KCNH3: variants seen among roughly 807,000 people sequenced by gnomAD.
The protein encoded by KCNH3 is voltage-gated inwardly rectifying potassium channel KCNH3.
In KCNH3, 36 loss-of-function variants were observed where a neutral mutation model predicts 95.6. The observed-to-expected ratio is 0.38, with a 90% CI of 0.29 to 0.50. The LOEUF is 0.50. KCNH3 is among the 20% of genes least tolerant of loss of function. The pLI is 0.95. For synonymous variants in KCNH3, 620 were observed against 646.3 expected (o/e 0.96, Z 0.62); for missense variants, 1,030 against 1,484.1 (o/e 0.69, Z 5.03).
chr12:49,544,144 C>CAAACAA, intron 6 of KCNH3, 31 bp from the exon 7 acceptor site: 1 of 1,493,174 alleles, frequency 6.7e-7, no homozygotes, highest in Non-Finnish European at 9.2e-7. Context: ...GCTGACCTCC[C>CAAACAA]TCCCTCCCTC....
chr12:49,548,885 C>A lies in KCNH3; in HGVS notation c.1190-10C>A, dbSNP rs760459990. 455 of 1,555,632 alleles carry A rather than the reference C, an allele frequency of 2.9e-4. No homozygotes were observed. The highest frequency in any genetic ancestry group is 2.8e-4 in the Non-Finnish European group (328 of 1,151,078). ...TCCTGCCTGCTCAGGCCCTGCTGTT[C>A]CCCCCTCAGGCTGGCTGCAGGAGCT... On this transcript the variant is annotated splice_polypyrimidine_tract_variant and intron_variant, in intron 7 of 14. Coordinates refer to ENST00000257981, the MANE Select transcript of KCNH3 (RefSeq NM_012284.3).
At chr12:49,544,708 C>T (rs1388474327) in intron 7 of KCNH3, among the ~76,000 whole-genome samples, 1 of 152,078 alleles carries the variant, frequency 6.6e-6, no homozygotes, top group African/African-American at 2.4e-5. Flanking sequence ...TTCTCTGACA[C>T]CCGGCACTCC....
chr12:49,552,935 A>G (rs536184339), intron 10 of KCNH3, among the ~76,000 whole-genome samples: 3 of 152,336 alleles, frequency 2.0e-5, no homozygotes, highest in African/African-American at 7.2e-5. Flanking sequence ...GGTGCATTCT[A>G]TACTTAAGTT....
chr12:49,541,350 G>C (rs1937865090), intron 2 of KCNH3, among the ~76,000 whole-genome samples: 1 of 152,136 alleles, frequency 6.6e-6, no homozygotes, highest in African/African-American at 2.4e-5. Context: ...CCTGCATTCA[G>C]TTCCAACCTC....
chr12:49,542,634 C>T (rs1443753326), intron 3 of KCNH3, 72 bp from the exon 4 acceptor site: 2 of 1,492,356 alleles, frequency 1.3e-6, no homozygotes, highest in Non-Finnish European at 1.8e-6. Flanking sequence ...GCAACTGTGT[C>T]CTACACCTGA....
In KCNH3 at chr12:49,549,716, G is replaced by A. The variant is rs116944984; in HGVS notation, c.1668+76G>A. 4.8e-4 allele frequency: 671 copies of A among 1,398,624 alleles called. 4 individuals carry two copies. Among genetic ancestry groups the A allele is most frequent in the East Asian group, 3.2e-3 (130 of 40,168 alleles). The allele number at this position is 1,398,624 out of a possible 1,614,324, so 86.6% of individuals were successfully genotyped here. On this transcript the variant is annotated intron_variant, in intron 9 of 14. Transcript: ENST00000257981. ...GCAATAGCCTAGAATTATCAGGAGT[G>A]GGGGAGGATGAATGCAGAATTTTGG...
rs199727288 is a variant in KCNH3, at chr12:49,541,804, C to T, written c.445+40C>T. The T allele has an allele frequency of 1.3e-4, 208 of 1,609,308 alleles. No homozygotes were observed. In the African/African-American group the frequency reaches 2.4e-3, roughly 18 times the overall value. ...GTGCTGTGGTCGGGGTATTGGGTGC[C>T]GCAGGCCCGGGCGGGGCCTTGGCAC... On this transcript the variant is annotated intron_variant, in intron 3 of 14. Coordinates refer to ENST00000257981, the MANE Select transcript of KCNH3 (RefSeq NM_012284.3).
Position 49,544,267 on chromosome 12 carries a change from G to A in KCNH3, c.1074G>A (p.Val358=). 3 of 1,609,162 alleles carry A rather than the reference G, an allele frequency of 1.9e-6. No homozygotes were observed. Among genetic ancestry groups the A allele is most frequent in the Non-Finnish European group, 2.5e-6 (3 of 1,178,944 alleles). Residue 358 remains valine, a synonymous_variant, in exon 7 of 15, where the codon GTG becomes GTA. Coordinates refer to ENST00000257981, the MANE Select transcript of KCNH3 (RefSeq NM_012284.3). ...RLDRYSQYSA[V]VLTLLMAVFA... ...ACCGGTACTCGCAGTACAGCGCCGT[G>A]GTGCTGACACTGCTCATGGCCGTGT... is the stretch of plus-strand genomic sequence containing the variant.
At chr12:49,545,011 G>C (rs554337723) in intron 7 of KCNH3, among the ~76,000 whole-genome samples, 1 of 152,026 alleles carries the variant, frequency 6.6e-6, no homozygotes, top group East Asian at 1.9e-4. Flanking sequence ...CACCCAAAAT[G>C]TCACCTGGAA....
At position 49,558,221 on chromosome 12, in the gene KCNH3, G is replaced by A. The variant is rs1350187138; in HGVS notation, c.*268G>A. ...GGCAGAGGCCTGAGGACAAGGAAGA[G>A]CTTTGCCATCCCCTGCATGTGCCCC... On this transcript the variant is annotated 3_prime_UTR_variant, in exon 15 of 15. Coordinates refer to ENST00000257981, the MANE Select transcript of KCNH3 (RefSeq NM_012284.3). 3 of 399,714 alleles carry A rather than the reference G, an allele frequency of 7.5e-6. No individual in the cohort carries two copies. The highest frequency in any genetic ancestry group is 8.8e-6 in the Non-Finnish European group (2 of 228,116). 24.8% of individuals were successfully genotyped at this position (399,714 alleles called of 1,614,324 possible).
At chr12:49,548,453 G>A (rs1938143481) in intron 7 of KCNH3, among the ~76,000 whole-genome samples, 1 of 152,150 alleles carries the variant, frequency 6.6e-6, no homozygotes. Context: ...GGGAGGGGAG[G>A]GAGGGCCTTC....
chr12:49,542,804 C>G lies in KCNH3; in HGVS notation c.544C>G (p.Gln182Glu). 6.2e-7 allele frequency: 1 copy of G among 1,603,752 alleles called. No homozygotes were observed. The highest frequency in any genetic ancestry group is 1.7e-5 in the Admixed American group (1 of 58,018). ...GCTCTACCACCTGTCCGGGCACCTGCAGAAGCAGCCCAAGGGCAAGCACAA... is the reference window on the plus strand; with the variant it reads ...GCTCTACCACCTGTCCGGGCACCTGGAGAAGCAGCCCAAGGGCAAGCACAA... ...AVLYHLSGHLQKQPKGKHKLN... is the reference protein window; with the variant it reads ...AVLYHLSGHLEKQPKGKHKLN... The change falls in exon 4 of 15, where the codon CAG (glutamine) becomes GAG (glutamate). Residue 182 changes from glutamine to glutamate, a missense_variant. Around this residue, in one of 9 missense-constraint regions of KCNH3, gnomAD observed 92 missense variants for 92.7 expected, o/e 0.99. Coordinates refer to ENST00000257981, the MANE Select transcript of KCNH3 (RefSeq NM_012284.3).
intron 12 of KCNH3, 28 bp downstream of exon 12, chr12:49,555,979 G>A (rs2138169330): frequency 8.8e-7 from 1 of 1,131,880 alleles, no homozygotes; most frequent in Non-Finnish European, 1.3e-6. Context: ...CCCCGTGGCA[G>A]AGATGGTGGT....
At chr12:49,553,322 T>TAA (rs1938327072) in intron 10 of KCNH3, among the ~76,000 whole-genome samples, 1 of 152,136 alleles carries the variant, frequency 6.6e-6, no homozygotes, top group Admixed American at 6.5e-5. Flanking sequence ...GCTGTTGTTG[T>TAA]TGTTGTTTGA....
chr12:49,554,534 G>T lies in KCNH3; in HGVS notation c.2116G>T (p.Ala706Ser), dbSNP rs566699345. The T allele has an allele frequency of 6.2e-7, 1 of 1,613,010 alleles. No homozygotes were observed. Among genetic ancestry groups the T allele is most frequent in the South Asian group, 1.1e-5 (1 of 91,078 alleles). The stretch of plus-strand genomic sequence containing the variant: ...AGGGGAGCTCAGCTACAACCTGGGT[G>T]CTGGGGGAGGCTCTGCAGAGGTGAG... ...LRGELSYNLGAGGGSAEVDTS... is the reference protein window; with the variant it reads ...LRGELSYNLGSGGGSAEVDTS... The change falls in exon 11 of 15, where the codon GCT becomes TCT. Residue 706 changes from alanine (A) to serine (S), a missense_variant. Coordinates refer to ENST00000257981, the MANE Select transcript of KCNH3 (RefSeq NM_012284.3).
At position 49,555,794 on chromosome 12, in the gene KCNH3, C is replaced by T. The variant is rs761052479; in HGVS notation, c.2311C>T (p.Arg771Cys). Residue 771 changes from arginine to cysteine, a missense_variant, in exon 12 of 15, where the codon CGT (arginine) becomes TGT (cysteine). Arg to Cys is a radical substitution (Grantham distance 180). Around this residue, in one of 9 missense-constraint regions of KCNH3, gnomAD observed 464 missense variants for 493.2 expected, o/e 0.94. Transcript: ENST00000257981. Reference protein sequence around the residue: ...SSSAAKLLSPRRTAPRPRLGG... With the variant: ...SSSAAKLLSPCRTAPRPRLGG... ...CTCAGCTGCCAAGCTGCTATCCCCACGTCGAACAGCACCCCGGCCTCGTCT... is the reference window on the plus strand; with the variant it reads ...CTCAGCTGCCAAGCTGCTATCCCCATGTCGAACAGCACCCCGGCCTCGTCT... The T allele has an allele frequency of 7.4e-6, 12 of 1,613,604 alleles. No individual in the cohort carries two copies. The highest frequency in any genetic ancestry group is 1.7e-5 in the Admixed American group (1 of 59,970).
Position 49,549,167 on chromosome 12 carries a change from A to G in KCNH3, c.1462A>G (p.Ile488Val). Residue 488 changes from isoleucine to valine, a missense_variant, in exon 8 of 15, where the codon ATC (isoleucine) becomes GTC (valine). Transcript: ENST00000257981. ...GATCTTCTCCATCTGCACCATGCTC[A>G]TCGGCGGTGAGCCCGGCCGCGCGCG... Reference protein sequence around the residue: ...EKIFSICTMLIGALMHAVVFG... With the variant: ...EKIFSICTMLVGALMHAVVFG... 1 of 1,585,768 alleles carries G rather than the reference A, an allele frequency of 6.3e-7. No individual in the cohort carries two copies. Among genetic ancestry groups the G allele is most frequent in the Non-Finnish European group, 8.6e-7 (1 of 1,163,772 alleles).
chr12:49,543,663 G>T, intron 5 of KCNH3, 145 bp downstream of exon 5: 2 of 1,220,452 alleles, frequency 1.6e-6, no homozygotes, highest in Non-Finnish European at 2.2e-6. Flanking sequence ...TCAGACCTAG[G>T]TTCCAAACAT....
At chr12:49,543,599 G>T in intron 5 of KCNH3, 81 bp downstream of exon 5, 1 of 1,525,396 alleles carries the variant, frequency 6.6e-7, no homozygotes, top group South Asian at 1.2e-5. Flanking sequence ...TGGCTTCCAG[G>T]GTGCTACAGT....
Sources: allele counts gnomAD v4.1 joint callset (sites outside exome capture counted in the v4.1 genomes callset), GRCh38; gene constraint gnomAD v4.1.1; regional missense constraint gnomAD v4.1.1; transcripts MANE v1.5; gene names NCBI Gene and HGNC (gene_info 2026-07-23, HGNC 2026-07-21).